Variants in TMTC2 observed in about 807,000 individuals in gnomAD.
TMTC2 encodes protein O-mannosyl-transferase TMTC2.
TMTC2 carries 43 observed loss-of-function variants against 82.4 expected under a neutral mutation model. The ratio of observed to expected loss-of-function variants is 0.52; its 90% confidence interval spans 0.41 to 0.67. The LOEUF is 0.67. TMTC2 is among the 30% of genes least tolerant of loss of function. TMTC2 has a pLI of 0.00. For synonymous variants in TMTC2, 408 were observed against 381.9 expected, an observed-to-expected ratio of 1.07 and a Z score of -0.80; for missense variants, 919 against 1,012.4, an observed-to-expected ratio of 0.91 and a Z score of 1.25.
At chr12:82,722,768 A>T (rs1874274877) in intron 1 of TMTC2, among the ~76,000 whole-genome samples, 1 of 152,078 alleles carries the variant, frequency 6.6e-6, no homozygotes, top group African/African-American at 2.4e-5. Flanking sequence ...AAATAAATAC[A>T]AATGTGAAAT....
At chr12:82,766,783 CTATT>C (rs10645376) in intron 1 of TMTC2, among the ~76,000 whole-genome samples, 7 of 151,274 alleles carry the variant, frequency 4.6e-5, no homozygotes, top group East Asian at 1.9e-4. Context: ...GTTGATTCTT[CTATT>C]TATTTATTTA....
At chr12:83,041,170 A>G (rs766838457) in intron 9 of TMTC2, among the ~76,000 whole-genome samples, 1 of 152,198 alleles carries the variant, frequency 6.6e-6, no homozygotes, top group Non-Finnish European at 1.5e-5. Flanking sequence ...AAATTAGCAT[A>G]CATTCTTTTC....
rs1359299637 is a variant in TMTC2 at position 82,928,225 on chromosome 12, G to A, written c.1484-2206G>A. Among the ~76,000 whole-genome samples the A allele has an allele frequency of 3.3e-5, 5 of 151,546 alleles. No homozygotes were observed. In the East Asian group the frequency reaches 9.7e-4, roughly 29 times the overall value. ...GATACCATTATAATGAGGATTTCCT[G>A]GTGCTTAAATTAACATTTGAATGCA... is the stretch of plus-strand genomic sequence containing the variant. On this transcript the variant is annotated intron_variant, in intron 3 of 11. Transcript: ENST00000321196.
chr12:82,913,408 G>A (rs1323329977), intron 3 of TMTC2, among the ~76,000 whole-genome samples: 1 of 152,212 alleles, frequency 6.6e-6, no homozygotes, highest in Non-Finnish European at 1.5e-5. Context: ...GAGGTTTTAA[G>A]TTAAAAATTA....
intron 11 of TMTC2, among the ~76,000 whole-genome samples, chr12:83,092,355 T>C (rs1360905245): frequency 2.6e-5 from 4 of 152,168 alleles, no homozygotes; most frequent in African/African-American, 7.2e-5. Context: ...TCACAGCTGA[T>C]TGCAAGCATG....
chr12:82,906,235 G>A (rs1874300036), intron 3 of TMTC2, among the ~76,000 whole-genome samples: 1 of 152,092 alleles, frequency 6.6e-6, no homozygotes. Context: ...TAACTATGAT[G>A]AGTTGTAATT....
chr12:83,028,427 A>AC (rs752974217), intron 8 of TMTC2, among the ~76,000 whole-genome samples: 2 of 152,158 alleles, frequency 1.3e-5, no homozygotes, highest in African/African-American at 4.8e-5. Context: ...CCCCAGATAC[A>AC]CAGTTTCCCC....
chr12:83,070,661 T>C (rs1348361997), intron 11 of TMTC2, among the ~76,000 whole-genome samples: 3 of 152,248 alleles, frequency 2.0e-5, no homozygotes, highest in Non-Finnish European at 2.9e-5. Flanking sequence ...ACTTCCTCTT[T>C]ACCGATTTGG....
At chr12:83,036,339 C>T (rs947815404) in intron 9 of TMTC2, among the ~76,000 whole-genome samples, 2 of 152,026 alleles carry the variant, frequency 1.3e-5, no homozygotes, top group Non-Finnish European at 2.9e-5. Context: ...TGCTTGTGAG[C>T]TCATAGAAAA....
chr12:82,775,381 T>C lies in TMTC2; in HGVS notation c.84-81629T>C, dbSNP rs1592511833. Among the ~76,000 whole-genome samples the C allele has an allele frequency of 2.0e-5, 3 of 151,854 alleles. No individual in the cohort carries two copies. In the East Asian group the frequency reaches 5.8e-4, roughly 29 times the overall value. ...GGGAGGATTGTCTGAGCCTGGGAGA[T>C]TGAGGCTGCATTGAACTATGATTGC... is the stretch of plus-strand genomic sequence containing the variant. On this transcript the variant is annotated intron_variant, in intron 1 of 11. Coordinates refer to ENST00000321196, the MANE Select transcript of TMTC2 (RefSeq NM_152588.3).
chr12:83,039,766 A>C (rs1032817957), intron 9 of TMTC2, among the ~76,000 whole-genome samples: 6 of 152,254 alleles, frequency 3.9e-5, no homozygotes, highest in Non-Finnish European at 7.3e-5. Context: ...CTAAGATGGT[A>C]TGATGACATT....
At chr12:82,831,702 A>G (rs1869759524) in intron 1 of TMTC2, among the ~76,000 whole-genome samples, 1 of 152,094 alleles carries the variant, frequency 6.6e-6, no homozygotes, top group Admixed American at 6.6e-5. Flanking sequence ...TTTAAAAAAG[A>G]GCTCAGAAAT....
rs74329641 is a variant in TMTC2, at chr12:82,720,510, G to T, written c.83+32841G>T. ...ATGGCCATTTGAGTTGTTTCCACCTGTTGGTGATTGTGGATGAATAGTACT... is the reference window on the plus strand; with the variant it reads ...ATGGCCATTTGAGTTGTTTCCACCTTTTGGTGATTGTGGATGAATAGTACT... On this transcript the variant is annotated intron_variant, in intron 1 of 11. Transcript: ENST00000321196. Among the ~76,000 whole-genome samples, 298 of 152,228 alleles carry T rather than the reference G, an allele frequency of 2.0e-3. 8 individuals carry two copies. The East Asian group carries it at 0.051, about 26-fold the overall frequency.
intron 1 of TMTC2, among the ~76,000 whole-genome samples, chr12:82,850,783 G>A (rs1870933658): frequency 6.6e-6 from 1 of 152,074 alleles, no homozygotes; most frequent in African/African-American, 2.4e-5. Flanking sequence ...ATAACACAGT[G>A]GGCAGGGCAC....
chr12:82,966,668 A>G (rs1475522777), intron 6 of TMTC2, among the ~76,000 whole-genome samples: 2 of 152,120 alleles, frequency 1.3e-5, no homozygotes, highest in African/African-American at 4.8e-5. Context: ...GAAAATTTGT[A>G]TTAAAAGAGC....
At chr12:82,954,919 TAG>T (rs1437716199) in intron 4 of TMTC2, among the ~76,000 whole-genome samples, 6 of 152,246 alleles carry the variant, frequency 3.9e-5, no homozygotes, top group Non-Finnish European at 8.8e-5. Flanking sequence ...TTTGTGAAAA[TAG>T]AAATGGTAGG....
At chr12:82,722,559 T>G (rs1874260007) in intron 1 of TMTC2, among the ~76,000 whole-genome samples, 1 of 74,828 alleles carries the variant, frequency 1.3e-5, no homozygotes, top group Non-Finnish European at 2.3e-5. Context: ...AGAGTGAGAC[T>G]CCATCTCAAA....
Position 82,986,153 on chromosome 12 carries a change from A to G in TMTC2, c.2070+107A>G, listed in dbSNP as rs781516079. 1.0e-5 allele frequency: 15 copies of G among 1,470,560 alleles called. No individual in the cohort carries two copies. In the South Asian group the frequency reaches 1.6e-4, roughly 16 times the overall value. 91.1% of individuals were successfully genotyped at this position (1,470,560 alleles called of 1,614,324 possible). On this transcript the variant is annotated intron_variant, in intron 8 of 11. Transcript: ENST00000321196. ...CAGCCAGTTATCTAAGCTATTAGGGATGCAATGGTGGTGATACTAACTTTG... is the reference window on the plus strand; with the variant it reads ...CAGCCAGTTATCTAAGCTATTAGGGGTGCAATGGTGGTGATACTAACTTTG...
Position 82,932,632 on chromosome 12 carries a change from G to A in TMTC2, c.1598+2087G>A, listed in dbSNP as rs1876101773. ...ATGAGTTTAATGTATTCACACATATGTTCTTTACACTTTTTGCATCTGAAA... is the reference window on the plus strand; with the variant it reads ...ATGAGTTTAATGTATTCACACATATATTCTTTACACTTTTTGCATCTGAAA... On this transcript the variant is annotated intron_variant, in intron 4 of 11. Coordinates refer to ENST00000321196, the MANE Select transcript of TMTC2 (RefSeq NM_152588.3). 1.3e-5 allele frequency among the ~76,000 whole-genome samples: 2 copies of A among 152,042 alleles called. 1 individual carries two copies. The highest frequency in any genetic ancestry group is 3.9e-4 in the East Asian group (2 of 5,190).
Sources: gnomAD v4.1 joint callset for allele counts (sites outside exome capture counted in the v4.1 genomes callset) on GRCh38, gnomAD v4.1.1 for gene constraint, MANE v1.5 for transcripts, NCBI Gene and HGNC (gene_info 2026-07-23, HGNC 2026-07-21) for gene names.